The following CLASP2 variants were observed in gnomAD, a reference collection of about 807,000 sequenced individuals.
The protein encoded by CLASP2 is cytoplasmic linker associated protein 2.
A neutral mutation model predicts 194.4 loss-of-function variants in CLASP2; 47 were observed. The observed-to-expected ratio is 0.24, with a 90% CI of 0.19 to 0.31. CLASP2 has a LOEUF of 0.31. CLASP2 is among the 10% of genes least tolerant of loss of function. The pLI, the probability that CLASP2 is intolerant of heterozygous loss-of-function variation, is 1.00. For synonymous variants in CLASP2, 619 were observed against 633.5 expected, an observed-to-expected ratio of 0.98 and a Z score of 0.34; for missense variants, 1,445 against 1,823.6, an observed-to-expected ratio of 0.79 and a Z score of 3.78.
intron 19 of CLASP2, among the ~76,000 whole-genome samples, chr3:33,595,658 T>G (rs1015311561): frequency 6.6e-6 from 1 of 152,024 alleles, no homozygotes; most frequent in Admixed American, 6.5e-5. Context: ...ACACATCATA[T>G]AACAGTAGTG....
At chr3:33,582,252 T>A (rs1273214396) in intron 22 of CLASP2, among the ~76,000 whole-genome samples, 1 of 152,200 alleles carries the variant, frequency 6.6e-6, no homozygotes, top group African/African-American at 2.4e-5. Context: ...CTTCTAACAC[T>A]TTTGGTATCT....
intron 6 of CLASP2, among the ~76,000 whole-genome samples, chr3:33,667,471 CTT>C (rs1440661866): frequency 2.9e-5 from 4 of 137,066 alleles, no homozygotes; most frequent in Non-Finnish European, 6.2e-5. Context: ...TATGAGTTTT[CTT>C]TTACTTTCTT....
At chr3:33,551,910 T>G (rs920882551) in intron 29 of CLASP2, among the ~76,000 whole-genome samples, 1 of 151,450 alleles carries the variant, frequency 6.6e-6, no homozygotes, top group African/African-American at 2.4e-5. Context: ...GTATGGCAAA[T>G]CAAGGTAGCA....
chr3:33,580,019 T>C (rs1035076321), intron 23 of CLASP2, among the ~76,000 whole-genome samples: 2 of 152,166 alleles, frequency 1.3e-5, no homozygotes, highest in Admixed American at 6.5e-5. Context: ...CTCTATTGCA[T>C]ATGAACTAAA....
chr3:33,695,637 A>C (rs2091813640), intron 2 of CLASP2, among the ~76,000 whole-genome samples: 1 of 152,122 alleles, frequency 6.6e-6, no homozygotes, highest in Non-Finnish European at 1.5e-5. Flanking sequence ...GCATTAACTT[A>C]ATCCACAAAA....
At chr3:33,686,641 C>G (rs1250178498) in intron 5 of CLASP2, among the ~76,000 whole-genome samples, 1 of 152,174 alleles carries the variant, frequency 6.6e-6, no homozygotes, top group Non-Finnish European at 1.5e-5. Flanking sequence ...TTTCTAATAA[C>G]TGATATACCA....
At position 33,497,654 on chromosome 3, in the gene CLASP2, G is replaced by C. The variant is rs1380980635; in HGVS notation, c.*977C>G. ...ACAATTTCATGGTAAAAGGAAACCA[G>C]GTTCCACCATTTAAAGAAAAGGTGC... On this transcript the variant is annotated 3_prime_UTR_variant, in exon 39 of 39. Transcript: ENST00000682230. 1.3e-5 allele frequency: 2 copies of C among 152,534 alleles called. No homozygotes were observed. Among genetic ancestry groups the C allele is most frequent in the African/African-American group, 4.8e-5 (2 of 41,412 alleles). The allele number at this position is 152,534 out of a possible 1,614,324, so 9.4% of individuals were successfully genotyped here. A position where few individuals can be genotyped will look rare whatever the true frequency, so the allele number is the denominator to read the frequency against.
At chr3:33,542,256 CTCAG>C (rs1488070281) in intron 32 of CLASP2, among the ~76,000 whole-genome samples, 1 of 151,196 alleles carries the variant, frequency 6.6e-6, no homozygotes, top group Non-Finnish European at 1.5e-5. Context: ...GGACCAATCT[CTCAG>C]TCAGTCATAT....
chr3:33,498,612 T>C lies in CLASP2; in HGVS notation c.*19A>G, dbSNP rs1396965611. The C allele has an allele frequency of 6.4e-7, 1 of 1,566,220 alleles. No homozygotes were observed. The highest frequency in any genetic ancestry group is 1.7e-5 in the Admixed American group (1 of 59,406). On this transcript the variant is annotated 3_prime_UTR_variant, in exon 39 of 39. Coordinates refer to ENST00000682230, the MANE Select transcript of CLASP2 (RefSeq NM_001365631.1). Reference sequence around the variant, plus strand: ...CTGTCCTTTCTTTTGAGAGACCTGGTTCGCTGTGATGAGCTTCACTAACTT... The same window carrying C: ...CTGTCCTTTCTTTTGAGAGACCTGGCTCGCTGTGATGAGCTTCACTAACTT...
At chr3:33,591,500 A>C (rs1410129285) in intron 21 of CLASP2, among the ~76,000 whole-genome samples, 1 of 150,288 alleles carries the variant, frequency 6.7e-6, no homozygotes, top group East Asian at 2.0e-4. Context: ...GGCACCAGCC[A>C]CTCAAGAGGC....
At chr3:33,609,272 C>T (rs1052381119) in intron 13 of CLASP2, among the ~76,000 whole-genome samples, 2 of 151,924 alleles carry the variant, frequency 1.3e-5, no homozygotes, top group Non-Finnish European at 1.5e-5. Flanking sequence ...ACAGTGAGAA[C>T]CTGTCTCAAA....
chr3:33,582,493 CAAAAAAAA>C (rs1222422996), intron 22 of CLASP2, among the ~76,000 whole-genome samples: 1 of 151,372 alleles, frequency 6.6e-6, no homozygotes, highest in Non-Finnish European at 1.5e-5. Flanking sequence ...TGTCTCACTA[CAAAAAAAA>C]TACAAAAATT....
chr3:33,600,598 G>A (rs1474877310), intron 18 of CLASP2, among the ~76,000 whole-genome samples: 1 of 152,132 alleles, frequency 6.6e-6, no homozygotes, highest in East Asian at 1.9e-4. Context: ...ATTAAAAGCA[G>A]TAATCAACAC....
At chr3:33,523,544 C>G (rs1225240006) in intron 34 of CLASP2, among the ~76,000 whole-genome samples, 1 of 152,086 alleles carries the variant, frequency 6.6e-6, no homozygotes, top group Non-Finnish European at 1.5e-5. Flanking sequence ...AACTGTTAAC[C>G]AAGAATCCTA....
chr3:33,568,302 C>G (rs554633636), intron 26 of CLASP2, among the ~76,000 whole-genome samples: 1 of 152,160 alleles, frequency 6.6e-6, no homozygotes, highest in Admixed American at 6.5e-5. Context: ...CTTGTCATCA[C>G]AGCACTTTGG....
chr3:33,682,190 A>G (rs2089963903), intron 6 of CLASP2, among the ~76,000 whole-genome samples: 2 of 152,216 alleles, frequency 1.3e-5, no homozygotes, highest in Non-Finnish European at 2.9e-5. Context: ...CACACTTATG[A>G]TATTTATGAA....
At chr3:33,585,784 T>C (rs2067224440) in intron 21 of CLASP2, among the ~76,000 whole-genome samples, 1 of 152,094 alleles carries the variant, frequency 6.6e-6, no homozygotes, top group African/African-American at 2.4e-5. Flanking sequence ...TGATTAAATG[T>C]GGTTATGCAG....
chr3:33,639,598 C>A (rs1280568565), intron 8 of CLASP2, among the ~76,000 whole-genome samples: 1 of 152,070 alleles, frequency 6.6e-6, no homozygotes, highest in Non-Finnish European at 1.5e-5. Context: ...CAGTAAAACA[C>A]ATATTCTTAT....
Position 33,516,010 on chromosome 3 carries a change from C to T in CLASP2, c.4110+13G>A. ...AAATAATGGAATAATACTTTACCGGCCAGGTAACTTACCTCCTTATGAGGA... is the reference window on the plus strand; with the variant it reads ...AAATAATGGAATAATACTTTACCGGTCAGGTAACTTACCTCCTTATGAGGA... On this transcript the variant is annotated intron_variant, in intron 36 of 38. Transcript: ENST00000682230. 1.2e-6 allele frequency: 2 copies of T among 1,600,240 alleles called. No homozygotes were observed. The highest frequency in any genetic ancestry group is 1.7e-6 in the Non-Finnish European group (2 of 1,174,582).
Sources: gnomAD v4.1 joint callset for allele counts (sites outside exome capture counted in the v4.1 genomes callset) on GRCh38, gnomAD v4.1.1 for gene constraint, MANE v1.5 for transcripts, NCBI Gene and HGNC (gene_info 2026-07-23, HGNC 2026-07-21) for gene names.